THRAP3: variants seen among roughly 807,000 people sequenced by gnomAD.
THRAP3 encodes the protein thyroid hormone receptor-associated protein 3.
In THRAP3, 16 loss-of-function variants were observed where a neutral mutation model predicts 101.0. That is an observed-to-expected ratio of 0.16 (90% CI 0.11 to 0.24). The LOEUF (loss-of-function observed/expected upper bound fraction) is 0.24. THRAP3 is among the 10% of genes least tolerant of loss of function. The pLI is 1.00. For missense variants in THRAP3, 989 were observed against 1,202.7 expected (o/e 0.82, Z 2.63); for synonymous variants, 407 against 422.6 (o/e 0.96, Z 0.45).
intron 8 of THRAP3, among the ~76,000 whole-genome samples, chr1:36,296,006 T>G: frequency 7.1e-6 from 1 of 140,706 alleles, no homozygotes; most frequent in Middle Eastern, 3.5e-3. Flanking sequence ...GATAGTCTTG[T>G]TCTATTGGCC....
chr1:36,235,479 A>G (rs1392671921), intron 1 of THRAP3, among the ~76,000 whole-genome samples: 1 of 152,226 alleles, frequency 6.6e-6, no homozygotes, highest in Non-Finnish European at 1.5e-5. Context: ...AAATGGTTCT[A>G]GAAAAATTGG....
chr1:36,212,727 C>G, the THRAP3 span, among the ~76,000 whole-genome samples: 1 of 152,234 alleles, frequency 6.6e-6, no homozygotes. Flanking sequence ...GCAGGGACAA[C>G]TTTACAATGG....
rs527993779 is a variant in THRAP3, at chr1:36,278,576, T to G, written c.-31-3957T>G. ...TCTGCAGAACAGTTTGAAAACAAAT[T>G]CTTTCTCCTAGTGACAGAATTATAT... On this transcript the variant is annotated intron_variant, in intron 2 of 11. Transcript: ENST00000354618. Among the ~76,000 whole-genome samples the G allele has an allele frequency of 3.3e-5, 5 of 152,206 alleles. No homozygotes were observed. In the East Asian group the frequency reaches 7.7e-4, roughly 24 times the overall value.
intron 1 of THRAP3, among the ~76,000 whole-genome samples, chr1:36,254,180 G>A (rs1645344721): frequency 6.6e-6 from 1 of 152,168 alleles, no homozygotes; most frequent in Non-Finnish European, 1.5e-5. Context: ...AAGAAAAAAA[G>A]TCTGCAGAGA....
intron 1 of THRAP3, among the ~76,000 whole-genome samples, chr1:36,227,842 G>A (rs552935505): frequency 6.6e-6 from 1 of 152,116 alleles, no homozygotes; most frequent in South Asian, 2.1e-4. Flanking sequence ...GTGATACCTG[G>A]ATTCGAAACA....
intron 11 of THRAP3, 49 bp downstream of exon 11, chr1:36,301,745 A>T (rs778018017): frequency 1.3e-6 from 2 of 1,566,002 alleles, no homozygotes; most frequent in East Asian, 4.5e-5. Context: ...TTTGACACAC[A>T]GAGTAGCTGA....
intron 1 of THRAP3, among the ~76,000 whole-genome samples, chr1:36,241,697 G>A (rs2124405670): frequency 6.6e-6 from 1 of 151,116 alleles, no homozygotes; most frequent in East Asian, 1.9e-4. Context: ...TCCTGCCTCA[G>A]CCTCCAGAGT....
chr1:36,209,414 T>C, the THRAP3 span, among the ~76,000 whole-genome samples: 2 of 152,210 alleles, frequency 1.3e-5, no homozygotes, highest in Non-Finnish European at 2.9e-5. Flanking sequence ...TTGCGCATTG[T>C]AGGATGTCTA....
chr1:36,301,593 A>G lies in THRAP3; in HGVS notation c.2543A>G (p.Tyr848Cys), dbSNP rs1199639901. The stretch of plus-strand genomic sequence containing the variant: ...GGAAGAGGCTGGGGCAGAGGCAACT[A>G]CTCTGGGAACAATAACAACAACAGC... ...ARGRGWGRGNYSGNNNNNSNN... is the reference protein window; with the variant it reads ...ARGRGWGRGNCSGNNNNNSNN... The change falls in exon 11 of 12, where the codon TAC (tyrosine) becomes TGC (cysteine). Residue 848 changes from tyrosine to cysteine, a missense_variant. Transcript: ENST00000354618. The G allele has an allele frequency of 1.9e-6, 3 of 1,614,022 alleles. No homozygotes were observed. Among genetic ancestry groups the G allele is most frequent in the African/African-American group, 2.7e-5 (2 of 74,908 alleles).
chr1:36,287,995 C>CT (rs776644522), intron 4 of THRAP3: 916 of 922,798 alleles, frequency 9.9e-4, no homozygotes, highest in Middle Eastern at 1.1e-3. Context: ...GTGGCTCCCC[C>CT]TTTTTTTTTC....
chr1:36,261,672 C>T (rs1645447892), intron 2 of THRAP3, among the ~76,000 whole-genome samples: 1 of 151,908 alleles, frequency 6.6e-6, no homozygotes, highest in Admixed American at 6.6e-5. Context: ...TGTGGATCTA[C>T]CTGAGGTGGA....
intron 1 of THRAP3, among the ~76,000 whole-genome samples, chr1:36,254,266 T>C (rs2124467264): frequency 6.6e-6 from 1 of 152,362 alleles, no homozygotes; most frequent in Middle Eastern, 3.4e-3. Flanking sequence ...TCTCCACAGA[T>C]ATTTTTTACC....
At chr1:36,217,332 A>G in the THRAP3 span, among the ~76,000 whole-genome samples, 1 of 152,158 alleles carries the variant, frequency 6.6e-6, no homozygotes, top group African/African-American at 2.4e-5. Context: ...AAGATGCTTA[A>G]AAGAGATGTA....
rs549353642 is a variant in THRAP3, at chr1:36,238,735, T to C, written c.-135+14230T>C. Among the ~76,000 whole-genome samples the C allele has an allele frequency of 1.1e-4, 17 of 152,232 alleles. No homozygotes were observed. In the East Asian group the frequency reaches 2.7e-3, roughly 24 times the overall value. ...GTTTCGTTTTTTTGGAGACAAGGTCTTATTTCATTGCCCAGGCTGGAGTGC... is the reference window on the plus strand; with the variant it reads ...GTTTCGTTTTTTTGGAGACAAGGTCCTATTTCATTGCCCAGGCTGGAGTGC... On this transcript the variant is annotated intron_variant, in intron 1 of 11. Transcript: ENST00000354618.
At chr1:36,280,239 C>T (rs1645714046) in intron 2 of THRAP3, among the ~76,000 whole-genome samples, 1 of 152,134 alleles carries the variant, frequency 6.6e-6, no homozygotes, top group Non-Finnish European at 1.5e-5. Flanking sequence ...TAAAAATGCC[C>T]TCCTCAAGGA....
At chr1:36,235,822 G>A (rs1156422386) in intron 1 of THRAP3, among the ~76,000 whole-genome samples, 1 of 152,104 alleles carries the variant, frequency 6.6e-6, no homozygotes, top group Admixed American at 6.6e-5. Flanking sequence ...ATGCCACCAT[G>A]GGACTGCTTA....
chr1:36,211,654 A>G, the THRAP3 span, among the ~76,000 whole-genome samples: 1 of 152,134 alleles, frequency 6.6e-6, no homozygotes, highest in African/African-American at 2.4e-5. Context: ...TGAGGGAGTA[A>G]CCATTTTCTG....
chr1:36,247,381 G>A (rs1481855526), intron 1 of THRAP3, among the ~76,000 whole-genome samples: 1 of 152,000 alleles, frequency 6.6e-6, no homozygotes, highest in Non-Finnish European at 1.5e-5. Context: ...CTGGAGTGCA[G>A]TGGCGTGATC....
At position 36,289,239 on chromosome 1, in the gene THRAP3, A is replaced by G. The variant is rs750539559; in HGVS notation, c.1220A>G (p.Gln407Arg). The stretch of plus-strand genomic sequence containing the variant: ...TCTGAGAAGCCTTTTCGGGGCAGTC[A>G]GTCTCCCAAAAGGTATAAGCTCCGA... ...TDSEKPFRGS[Q>R]SPKRYKLRDD... Residue 407 changes from glutamine to arginine, a missense_variant, in exon 5 of 12, where the codon CAG (glutamine) becomes CGG (arginine). Transcript: ENST00000354618. The G allele has an allele frequency of 3.1e-6, 5 of 1,614,136 alleles. No individual in the cohort carries two copies. The highest frequency in any genetic ancestry group is 3.3e-5 in the Admixed American group (2 of 60,012).
Sources: allele counts gnomAD v4.1 joint callset (sites outside exome capture counted in the v4.1 genomes callset), GRCh38; gene constraint gnomAD v4.1.1; transcripts MANE v1.5; gene names NCBI Gene and HGNC (gene_info 2026-07-23, HGNC 2026-07-21).